Variants in LTBP1 observed in about 807,000 individuals in gnomAD.
LTBP1 encodes latent transforming growth factor beta binding protein 1.
Under a neutral mutation model 207.6 loss-of-function variants are expected in LTBP1, and 129 were observed. The ratio of observed to expected loss-of-function variants is 0.62; its 90% CI spans 0.54 to 0.72. The LOEUF (loss-of-function observed/expected upper bound fraction) is 0.72, where lower values mean the gene tolerates loss of function less well. Ranked by LOEUF, LTBP1 falls within the 30% of genes least tolerant of loss-of-function variation. LTBP1 has a pLI of 0.00. For missense variants in LTBP1, 2,281 were observed against 2,217.2 expected (o/e 1.03, Z -0.58); for synonymous variants, 963 against 833.7 (o/e 1.16, Z -2.67).
At position 33,147,038 on chromosome 2, in the gene LTBP1, G is replaced by T. The variant is rs993970548; in HGVS notation, c.1201+12078G>T. ...ATTCACCTGTGTAAAAATGTTTACA[G>T]GGTAGGATATAATTAGTAACTCAGA... On this transcript the variant is annotated intron_variant, in intron 5 of 33. Coordinates refer to ENST00000404816, the MANE Select transcript of LTBP1 (RefSeq NM_206943.4). Among the ~76,000 whole-genome samples, 4 of 152,336 alleles carry T rather than the reference G, an allele frequency of 2.6e-5. No homozygotes were observed. In the East Asian group the frequency reaches 7.7e-4, roughly 29 times the overall value.
intron 5 of LTBP1, among the ~76,000 whole-genome samples, chr2:33,180,506 C>T (rs915968737): frequency 6.8e-6 from 1 of 147,400 alleles, no homozygotes; most frequent in Non-Finnish European, 1.5e-5. Flanking sequence ...GGCTGGAGTG[C>T]GGTGGTGCAA....
At chr2:33,226,414 A>T (rs1558846065) in intron 9 of LTBP1, among the ~76,000 whole-genome samples, 1 of 152,226 alleles carries the variant, frequency 6.6e-6, no homozygotes, top group Non-Finnish European at 1.5e-5. Flanking sequence ...CTCAGGAAAG[A>T]ATTCAAGGCT....
At chr2:33,076,192 CTG>C (rs2078071180) in intron 3 of LTBP1, among the ~76,000 whole-genome samples, 1 of 152,122 alleles carries the variant, frequency 6.6e-6, no homozygotes, top group African/African-American at 2.4e-5. Flanking sequence ...GAATCTGTGA[CTG>C]GTTTTTTCCA....
chr2:33,117,720 A>G (rs1339798904), intron 4 of LTBP1, among the ~76,000 whole-genome samples: 1 of 152,194 alleles, frequency 6.6e-6, no homozygotes, highest in African/African-American at 2.4e-5. Flanking sequence ...GGCGTAGTTG[A>G]GAGCACCCAT....
At chr2:33,170,852 C>T (rs1394239617) in intron 5 of LTBP1, among the ~76,000 whole-genome samples, 9 of 151,870 alleles carry the variant, frequency 5.9e-5, no homozygotes, top group African/African-American at 1.2e-4. Flanking sequence ...TCGCGGTTCA[C>T]GAAAATCTGC....
At chr2:33,396,185 GGT>G (rs904134795) in intron 32 of LTBP1, among the ~76,000 whole-genome samples, 1 of 144,298 alleles carries the variant, frequency 6.9e-6, no homozygotes, top group Non-Finnish European at 1.5e-5. Context: ...GTTTTTTTTT[GGT>G]GTGTGTGTGT....
chr2:33,181,782 A>G (rs1249771534), intron 5 of LTBP1, among the ~76,000 whole-genome samples: 1 of 152,230 alleles, frequency 6.6e-6, no homozygotes, highest in Non-Finnish European at 1.5e-5. Flanking sequence ...AACCTTAACA[A>G]TAACGTACTC....
At chr2:33,262,972 C>G in intron 14 of LTBP1, 151 bp downstream of exon 14, 1 of 537,174 alleles carries the variant, frequency 1.9e-6, no homozygotes, top group Non-Finnish European at 3.3e-6. Flanking sequence ...ATAATGTTAG[C>G]ATAATTACAG....
At chr2:32,979,846 A>G (rs978964324) in intron 2 of LTBP1, among the ~76,000 whole-genome samples, 3 of 152,156 alleles carry the variant, frequency 2.0e-5, no homozygotes, top group African/African-American at 4.8e-5. Flanking sequence ...TATTTGCTTT[A>G]TATATCTGGG....
intron 3 of LTBP1, among the ~76,000 whole-genome samples, chr2:33,073,819 G>T (rs576192552): frequency 4.8e-4 from 73 of 152,180 alleles, no homozygotes; most frequent in African/African-American, 1.8e-3. Context: ...TAGAGACAGG[G>T]TTTCACCATG....
At chr2:33,188,381 C>G (rs1386507298) in intron 6 of LTBP1, among the ~76,000 whole-genome samples, 196 bp from the exon 7 acceptor site, 1 of 127,070 alleles carries the variant, frequency 7.9e-6, no homozygotes, top group Non-Finnish European at 1.6e-5. Flanking sequence ...GAGCTGAGAT[C>G]GAGCCATTGC....
rs745774918 is a variant in LTBP1, at chr2:33,134,712, T to G, written c.1034-81T>G. Reference sequence around the variant, plus strand: ...GCTCCTTTCTTTTCTTTTTTTCTGTTTTTTTAAACCTTCCAAGGCAAGTTC... The same window carrying G: ...GCTCCTTTCTTTTCTTTTTTTCTGTGTTTTTAAACCTTCCAAGGCAAGTTC... On this transcript the variant is annotated intron_variant, in intron 4 of 33. Transcript: ENST00000404816. The surrounding 1 kb of genome is among the most constrained non-coding windows in gnomAD (Gnocchi z 4.4). The G allele has an allele frequency of 9.9e-6, 16 of 1,608,300 alleles. No individual in the cohort carries two copies. The highest frequency in any genetic ancestry group is 8.5e-7 in the Non-Finnish European group (1 of 1,178,388).
chr2:32,965,491 C>T (rs1679823680), intron 2 of LTBP1, among the ~76,000 whole-genome samples: 1 of 152,184 alleles, frequency 6.6e-6, no homozygotes, highest in African/African-American at 2.4e-5. Flanking sequence ...TCCCTCCTTC[C>T]TGTCTAAACC....
chr2:33,006,586 T>A (rs552098582), intron 2 of LTBP1, among the ~76,000 whole-genome samples: 2 of 151,996 alleles, frequency 1.3e-5, no homozygotes, highest in African/African-American at 4.8e-5. Flanking sequence ...TTTCACCATG[T>A]TGGCCAGGCT....
At chr2:33,217,521 A>C in intron 7 of LTBP1, 31 bp from the exon 8 acceptor site, 1 of 1,510,610 alleles carries the variant, frequency 6.6e-7, no homozygotes, top group Non-Finnish European at 9.2e-7. Flanking sequence ...GCACTCAATT[A>C]ACCTTCATAT....
chr2:33,304,278 A>G (rs1024664288), intron 22 of LTBP1, among the ~76,000 whole-genome samples: 8 of 152,324 alleles, frequency 5.3e-5, no homozygotes, highest in Admixed American at 2.6e-4. Flanking sequence ...AAACTATGTT[A>G]GCACCTCAGC....
chr2:33,233,155 T>C (rs1460699776), intron 9 of LTBP1, among the ~76,000 whole-genome samples: 1 of 152,152 alleles, frequency 6.6e-6, no homozygotes, highest in African/African-American at 2.4e-5. Context: ...GCTTTTCTGC[T>C]GAAACTCTCA....
Position 33,134,727 on chromosome 2 carries a change from A to G in LTBP1, c.1034-66A>G, listed in dbSNP as rs1192848116. 1 of 1,612,696 alleles carries G rather than the reference A, an allele frequency of 6.2e-7. No individual in the cohort carries two copies. The highest frequency in any genetic ancestry group is 2.2e-5 in the East Asian group (1 of 44,888). ...TTTTTTCTGTTTTTTTAAACCTTCC[A>G]AGGCAAGTTCATGGATACTAAGCTG... On this transcript the variant is annotated intron_variant, in intron 4 of 33. Coordinates refer to ENST00000404816, the MANE Select transcript of LTBP1 (RefSeq NM_206943.4). The surrounding 1 kb of genome is among the most constrained non-coding windows in gnomAD (Gnocchi z 4.4).
At chr2:33,396,459 C>T (rs756061150) in intron 32 of LTBP1, among the ~76,000 whole-genome samples, 2 of 152,242 alleles carry the variant, frequency 1.3e-5, no homozygotes, top group African/African-American at 4.8e-5. Flanking sequence ...TGGCCTCAGG[C>T]GATCTGCCCG....
Sources: gnomAD v4.1 joint callset for allele counts (sites outside exome capture counted in the v4.1 genomes callset) on GRCh38, gnomAD v4.1.1 for gene constraint, Gnocchi (gnomAD v3.1) non-coding constraint, MANE v1.5 for transcripts, NCBI Gene and HGNC (gene_info 2026-07-23, HGNC 2026-07-21) for gene names.